Variants in GOLM2 observed in about 807,000 individuals in gnomAD.
GOLM2 encodes the protein protein GOLM2.
In GOLM2, 26 loss-of-function variants were observed where a neutral mutation model predicts 55.9. The observed-to-expected ratio is 0.47, with a 90% CI of 0.34 to 0.65. The LOEUF is 0.65. GOLM2 is among the 30% of genes least tolerant of loss of function. The pLI is 0.01. For missense variants in GOLM2, 486 were observed against 531.8 expected (o/e 0.91, Z 0.85); for synonymous variants, 165 against 194.6 (o/e 0.85, Z 1.27).
intron 6 of GOLM2, among the ~76,000 whole-genome samples, chr15:44,366,141 C>T (rs1273895886): frequency 6.6e-6 from 1 of 151,690 alleles, no homozygotes; most frequent in Non-Finnish European, 1.5e-5. Flanking sequence ...AGTAAAAATA[C>T]AAAAAATTAG....
chr15:44,369,067 TTATATA>T (rs58317520), intron 6 of GOLM2, among the ~76,000 whole-genome samples: 636 of 22,870 alleles, frequency 0.028, 30 homozygotes, highest in African/African-American at 0.055. Context: ...ATAGGATATA[TTATATA>T]TATATATATA....
At position 44,403,128 on chromosome 15, in the gene GOLM2, A is replaced by C. The variant is rs747596679; in HGVS notation, c.1240+74A>C. ...AGTTTTTTGGTTGAATTTGTGTAGA[A>C]TTTCCCCCACTTATTAGTGGCAGTG... On this transcript the variant is annotated intron_variant, in intron 9 of 9. Coordinates refer to ENST00000299957, the MANE Select transcript of GOLM2 (RefSeq NM_138423.4). 1.9e-6 allele frequency: 3 copies of C among 1,558,174 alleles called. No homozygotes were observed. The South Asian group carries it at 3.4e-5, about 18-fold the overall frequency.
Position 44,403,011 on chromosome 15 carries a change from C to T in GOLM2, c.1197C>T (p.Tyr399=). 1 of 1,613,954 alleles carries T rather than the reference C, an allele frequency of 6.2e-7. No individual in the cohort carries two copies. The highest frequency in any genetic ancestry group is 8.5e-7 in the Non-Finnish European group (1 of 1,180,002). The change falls in exon 9 of 10, where the codon TAC becomes TAT. Residue 399 remains tyrosine (Y), a synonymous_variant. Transcript: ENST00000299957. ...CAGACAAGCAGGCTGAGCTGGCTTA[C>T]AATGAGGAAGAAGATGGTGATGGTG... is the stretch of plus-strand genomic sequence containing the variant. ...YEADKQAELA[Y]NEEEDGDGGE... is the part of the protein sequence containing the mutation.
intron 1 of GOLM2, among the ~76,000 whole-genome samples, chr15:44,316,974 A>G (rs903301770): frequency 6.6e-6 from 1 of 151,794 alleles, no homozygotes; most frequent in African/African-American, 2.4e-5. Flanking sequence ...TGACAGAGGG[A>G]CCCAGGCTGA....
In GOLM2 at chr15:44,338,265, G is replaced by A; in HGVS notation, c.750G>A (p.Gly250=). The A allele has an allele frequency of 6.2e-7, 1 of 1,613,860 alleles. No individual in the cohort carries two copies. Among genetic ancestry groups the A allele is most frequent in the Non-Finnish European group, 8.5e-7 (1 of 1,179,852 alleles). The stretch of plus-strand genomic sequence containing the variant: ...AAATCAAAAGAGGTGGTGATGCAGG[G>A]ATGCCTGGAATAGAAGAGAATGACC... The part of the protein sequence containing the change: ...KEQIKRGGDA[G]MPGIEENDLA... The change falls in exon 6 of 10, where the codon GGG becomes GGA. Residue 250 remains glycine (G), a synonymous_variant. Transcript: ENST00000299957.
intron 7 of GOLM2, among the ~76,000 whole-genome samples, chr15:44,380,159 A>G (rs975474554): frequency 2.0e-4 from 30 of 152,224 alleles, no homozygotes; most frequent in Middle Eastern, 3.4e-3. Flanking sequence ...TTATGAATGT[A>G]TTTGTTTATT....
At chr15:44,395,110 C>T (rs951026504) in intron 8 of GOLM2, among the ~76,000 whole-genome samples, 3 of 151,576 alleles carry the variant, frequency 2.0e-5, no homozygotes, top group African/African-American at 7.3e-5. Context: ...CCCAGGTTCA[C>T]GCCATTCTTC....
intron 1 of GOLM2, among the ~76,000 whole-genome samples, chr15:44,295,051 G>A (rs1162051566): frequency 6.6e-6 from 1 of 151,204 alleles, no homozygotes; most frequent in Non-Finnish European, 1.5e-5. Flanking sequence ...CTTCCAGTCT[G>A]TTACCTGGGT....
chr15:44,378,354 CTT>C (rs372043503), intron 6 of GOLM2, among the ~76,000 whole-genome samples: 7 of 125,468 alleles, frequency 5.6e-5, no homozygotes, highest in Admixed American at 1.6e-4. Flanking sequence ...CGCGCCAGGA[CTT>C]TTTTTTTTTT....
At chr15:44,379,186 C>T (rs530250333) in intron 6 of GOLM2, among the ~76,000 whole-genome samples, 3 of 152,280 alleles carry the variant, frequency 2.0e-5, no homozygotes, top group South Asian at 4.1e-4. Flanking sequence ...TCAAAAAAAT[C>T]TGTGATGGGG....
chr15:44,386,897 G>A (rs560671761), intron 8 of GOLM2, among the ~76,000 whole-genome samples: 6 of 151,460 alleles, frequency 4.0e-5, no homozygotes, highest in Non-Finnish European at 7.4e-5. Flanking sequence ...AAAATTGGCC[G>A]AGTGCGGTGG....
intron 2 of GOLM2, among the ~76,000 whole-genome samples, chr15:44,326,844 A>G (rs193039652): frequency 1.3e-3 from 189 of 149,386 alleles, no homozygotes; most frequent in Non-Finnish European, 2.3e-3. Flanking sequence ...TGGAGATGGG[A>G]TTTCAGCTTG....
intron 4 of GOLM2, among the ~76,000 whole-genome samples, chr15:44,335,358 CATCTT>C (rs1446462773): frequency 2.0e-5 from 3 of 152,240 alleles, no homozygotes; most frequent in South Asian, 2.1e-4. Context: ...TCTAGAAAAG[CATCTT>C]ATTTTATTAA....
chr15:44,378,021 A>G (rs1306125313), intron 6 of GOLM2, among the ~76,000 whole-genome samples: 2 of 149,084 alleles, frequency 1.3e-5, no homozygotes, highest in Non-Finnish European at 3.0e-5. Flanking sequence ...GTATATATAT[A>G]TATTTTTTAA....
intron 1 of GOLM2, among the ~76,000 whole-genome samples, chr15:44,321,833 C>G (rs2078951953): frequency 6.6e-6 from 1 of 152,060 alleles, no homozygotes; most frequent in Non-Finnish European, 1.5e-5. Flanking sequence ...AGGAGAATCA[C>G]TTGAGTCCAA....
At chr15:44,315,685 C>T (rs1303764288) in intron 1 of GOLM2, among the ~76,000 whole-genome samples, 2 of 152,136 alleles carry the variant, frequency 1.3e-5, no homozygotes, top group African/African-American at 4.8e-5. Flanking sequence ...GGAGAGAGGT[C>T]TCAGGAAGGA....
chr15:44,299,724 A>G (rs1595613459), intron 1 of GOLM2, among the ~76,000 whole-genome samples: 1 of 151,992 alleles, frequency 6.6e-6, no homozygotes, highest in Non-Finnish European at 1.5e-5. Context: ...TCATGAAGTA[A>G]AATATTTAGA....
intron 1 of GOLM2, among the ~76,000 whole-genome samples, chr15:44,310,706 A>G (rs958639008): frequency 6.6e-6 from 1 of 151,306 alleles, no homozygotes; most frequent in Non-Finnish European, 1.5e-5. Context: ...CCCTGTCTCA[A>G]TCAATCAATC....
intron 4 of GOLM2, among the ~76,000 whole-genome samples, chr15:44,337,476 C>A (rs2079064879): frequency 6.6e-6 from 1 of 152,082 alleles, no homozygotes; most frequent in Admixed American, 6.6e-5. Context: ...ATTCAGCAGG[C>A]TGTCTTGCAG....
Sources: allele counts gnomAD v4.1 joint callset (sites outside exome capture counted in the v4.1 genomes callset), GRCh38; gene constraint gnomAD v4.1.1; transcripts MANE v1.5; gene names NCBI Gene and HGNC (gene_info 2026-07-23, HGNC 2026-07-21).